The following ZNF362 variants were observed in gnomAD, a reference collection of about 807,000 sequenced individuals.
The protein encoded by ZNF362 is zinc finger protein 362.
ZNF362 carries 11 observed loss-of-function variants against 42.9 expected under a neutral mutation model. The ratio of observed to expected loss-of-function variants is 0.26; its 90% CI spans 0.16 to 0.42. The LOEUF (loss-of-function observed/expected upper bound fraction) is 0.42, where lower values mean the gene tolerates loss of function less well. Among genes scored for constraint, ZNF362 ranks in the 20% least tolerant of loss-of-function variants. The pLI, the probability that ZNF362 is intolerant of heterozygous loss-of-function variation, is 1.00. For missense variants in ZNF362, 362 were observed against 576.2 expected, an observed-to-expected ratio of 0.63 and a Z score of 3.81; for synonymous variants, 255 against 257.3, an observed-to-expected ratio of 0.99 and a Z score of 0.09.
chr1:33,267,686 T>C (rs1233695506), intron 1 of ZNF362, among the ~76,000 whole-genome samples: 1 of 152,172 alleles, frequency 6.6e-6, no homozygotes, highest in African/African-American at 2.4e-5. Flanking sequence ...AATGAGTCAT[T>C]ACAAGGCCAG....
chr1:33,275,091 T>C, intron 2 of ZNF362: 1 of 985,396 alleles, frequency 1.0e-6, no homozygotes, highest in Non-Finnish European at 1.2e-6. Context: ...ATTTAAGCAA[T>C]AATACCAGTT....
chr1:33,161,244 G>A, the ZNF362 span, among the ~76,000 whole-genome samples: 2 of 152,208 alleles, frequency 1.3e-5, no homozygotes, highest in Non-Finnish European at 2.9e-5. The surrounding 1 kb of genome is among the most constrained non-coding windows in gnomAD (Gnocchi z 4.3). Context: ...GTTCTGAGCC[G>A]GGGCCTGAGG....
At chr1:33,263,713 A>G (rs777894336) in intron 1 of ZNF362, among the ~76,000 whole-genome samples, 1 of 152,192 alleles carries the variant, frequency 6.6e-6, no homozygotes, top group South Asian at 2.1e-4. Flanking sequence ...GCCCAGCCAC[A>G]TGATGATTAA....
At chr1:33,188,524 G>T in the ZNF362 span, among the ~76,000 whole-genome samples, 1 of 152,192 alleles carries the variant, frequency 6.6e-6, no homozygotes, top group Non-Finnish European at 1.5e-5. Context: ...GTCCCATGAA[G>T]TCATAGAAGA....
the ZNF362 span, chr1:33,180,965 C>G: frequency 2.7e-6 from 2 of 727,894 alleles, no homozygotes; most frequent in Admixed American, 2.7e-5. Flanking sequence ...ACCCCACCCC[C>G]CGCCCGGCCC....
chr1:33,163,985 AGAG>A, the ZNF362 span: 2 of 152,530 alleles, frequency 1.3e-5, no homozygotes, highest in African/African-American at 4.8e-5. Context: ...TGGGATGTGG[AGAG>A]AAGAGAGTGC....
the ZNF362 span, among the ~76,000 whole-genome samples, chr1:33,251,488 A>T: frequency 6.6e-6 from 1 of 152,092 alleles, no homozygotes; most frequent in African/African-American, 2.4e-5. Context: ...TACTCTGCCC[A>T]TTCCAGCCCA....
the ZNF362 span, among the ~76,000 whole-genome samples, chr1:33,160,804 G>A: frequency 9.8e-5 from 15 of 152,320 alleles, no homozygotes; most frequent in African/African-American, 3.4e-4. Context: ...AAATTGCAAC[G>A]TATTGAGAAA....
the ZNF362 span, among the ~76,000 whole-genome samples, chr1:33,179,349 G>A: frequency 1.3e-5 from 2 of 152,340 alleles, no homozygotes; most frequent in Non-Finnish European, 1.5e-5. Flanking sequence ...GGGAAGGAGC[G>A]ATGGTGAACA....
intron 2 of ZNF362, 107 bp from the exon 3 acceptor site, chr1:33,275,993 A>C: frequency 7.9e-7 from 1 of 1,265,336 alleles, no homozygotes; most frequent in Non-Finnish European, 1.1e-6. Flanking sequence ...CCACGGGGAC[A>C]TGGATCCCAG....
At chr1:33,173,837 C>T in the ZNF362 span, among the ~76,000 whole-genome samples, 12 of 152,078 alleles carry the variant, frequency 7.9e-5, no homozygotes, top group African/African-American at 1.4e-4. Context: ...GTACCTCACA[C>T]TACAGGCATG....
the ZNF362 span, among the ~76,000 whole-genome samples, chr1:33,173,351 C>T: frequency 1.3e-5 from 2 of 152,182 alleles, no homozygotes; most frequent in Non-Finnish European, 2.9e-5. Context: ...TTGTTTCTGG[C>T]TTCCTAGCAT....
the ZNF362 span, among the ~76,000 whole-genome samples, chr1:33,221,683 T>C: frequency 6.6e-6 from 1 of 152,228 alleles, no homozygotes; most frequent in African/African-American, 2.4e-5. Context: ...AGCCAGGTAC[T>C]GGCTCATTCC....
At chr1:33,176,301 A>AC in the ZNF362 span, 1 of 580,336 alleles carries the variant, frequency 1.7e-6, no homozygotes, top group East Asian at 2.9e-5. Flanking sequence ...AGAGGGTGTC[A>AC]CCCCCTCTCC....
the ZNF362 span, among the ~76,000 whole-genome samples, chr1:33,208,299 G>T: frequency 6.6e-6 from 1 of 152,064 alleles, no homozygotes; most frequent in Non-Finnish European, 1.5e-5. Context: ...TATCTGTTTT[G>T]GTACCAGTAC....
intron 1 of ZNF362, among the ~76,000 whole-genome samples, chr1:33,258,569 C>T (rs1163562016): frequency 1.3e-5 from 2 of 152,098 alleles, no homozygotes; most frequent in African/African-American, 2.4e-5. Flanking sequence ...CCTGAAGTCA[C>T]GCTACCAGGT....
the ZNF362 span, chr1:33,181,208 G>A: frequency 1.9e-6 from 3 of 1,583,030 alleles, no homozygotes; most frequent in Non-Finnish European, 2.6e-6. This position sits in a 1 kb window ranked among gnomAD's most constrained non-coding sequence, Gnocchi z 6.5. Context: ...GGAAGGAGCT[G>A]TAGCGCTCCA....
chr1:33,281,523 A>C lies in ZNF362; in HGVS notation c.684-64A>C. Reference sequence around the variant, plus strand: ...AGGTGCAAGGTCTCTCTGATGTAGAAGGCCTCCCCTGAGATGGACAGTCTG... The same window carrying C: ...AGGTGCAAGGTCTCTCTGATGTAGACGGCCTCCCCTGAGATGGACAGTCTG... On this transcript the variant is annotated intron_variant, in intron 5 of 8. Coordinates refer to ENST00000539719, the MANE Select transcript of ZNF362 (RefSeq NM_152493.3). The surrounding 1 kb of genome is among the most constrained non-coding windows in gnomAD (Gnocchi z 4.8). The C allele has an allele frequency of 6.6e-7, 1 of 1,526,052 alleles. No individual in the cohort carries two copies. Among genetic ancestry groups the C allele is most frequent in the Non-Finnish European group, 9.1e-7 (1 of 1,103,884 alleles). 94.5% of individuals were successfully genotyped at this position (1,526,052 alleles called of 1,614,324 possible). A position where few individuals can be genotyped will look rare whatever the true frequency, so the allele number is the denominator to read the frequency against.
chr1:33,273,114 C>T (rs964497169), intron 2 of ZNF362, among the ~76,000 whole-genome samples: 2 of 152,224 alleles, frequency 1.3e-5, no homozygotes, highest in African/African-American at 4.8e-5. Flanking sequence ...ACCTCAAAGG[C>T]ATGTTGGGAG....
Sources: allele counts gnomAD v4.1 joint callset (sites outside exome capture counted in the v4.1 genomes callset), GRCh38; gene constraint gnomAD v4.1.1; non-coding constraint Gnocchi (gnomAD v3.1); transcripts MANE v1.5; gene names NCBI Gene and HGNC (gene_info 2026-07-23, HGNC 2026-07-21).